Variants in GLCCI1 observed in about 807,000 individuals in gnomAD.
The protein encoded by GLCCI1 is glucocorticoid-induced transcript 1 protein.
GLCCI1 carries 24 observed loss-of-function variants against 52.2 expected under a neutral mutation model. The observed-to-expected ratio is 0.46, with a 90% confidence interval of 0.33 to 0.65. The LOEUF (loss-of-function observed/expected upper bound fraction) is 0.65. Ranked by LOEUF, GLCCI1 falls within the 30% of genes least tolerant of loss-of-function variation. The probability of loss-of-function intolerance (pLI) is 0.02; values close to 1 mark genes in which losing one functional copy is unlikely to be tolerated. For missense variants in GLCCI1, 704 were observed against 701.5 expected, an observed-to-expected ratio of 1.00 and a Z score of -0.04; for synonymous variants, 310 against 276.5, an observed-to-expected ratio of 1.12 and a Z score of -1.20.
At chr7:7,993,745 G>A (rs575160067) in intron 1 of GLCCI1, among the ~76,000 whole-genome samples, 1 of 150,774 alleles carries the variant, frequency 6.6e-6, no homozygotes, top group Non-Finnish European at 1.5e-5. Context: ...TTATTATGTT[G>A]TAGATGCCAA....
intron 5 of GLCCI1, among the ~76,000 whole-genome samples, chr7:8,062,859 C>T (rs1782548060): frequency 1.3e-5 from 2 of 152,150 alleles, no homozygotes; most frequent in Admixed American, 6.5e-5. Context: ...TTTCTTTATC[C>T]AGTCTACCAC....
intron 4 of GLCCI1, among the ~76,000 whole-genome samples, chr7:8,056,088 A>G (rs1782392238): frequency 6.6e-6 from 1 of 151,966 alleles, no homozygotes; most frequent in Non-Finnish European, 1.5e-5. Context: ...ACTTGAGGTC[A>G]GGAGTTCGAA....
chr7:8,005,821 G>A (rs902192674), intron 2 of GLCCI1, among the ~76,000 whole-genome samples: 3 of 151,786 alleles, frequency 2.0e-5, no homozygotes, highest in African/African-American at 7.3e-5. Flanking sequence ...TTTTGAGACA[G>A]GAGTTTCTGT....
chr7:8,003,710 T>G (rs555263403), intron 1 of GLCCI1, among the ~76,000 whole-genome samples, 198 bp from the exon 2 acceptor site: 2 of 152,316 alleles, frequency 1.3e-5, no homozygotes, highest in East Asian at 3.9e-4. Context: ...CCTGGAAATG[T>G]ATGTGAGATT....
At chr7:8,029,480 T>C (rs1417536144) in intron 3 of GLCCI1, among the ~76,000 whole-genome samples, 2 of 152,084 alleles carry the variant, frequency 1.3e-5, no homozygotes, top group Non-Finnish European at 2.9e-5. Flanking sequence ...CCCACAGCTA[T>C]TATTGTGCTG....
chr7:8,077,463 A>C (rs915889638), intron 6 of GLCCI1, among the ~76,000 whole-genome samples: 1 of 152,174 alleles, frequency 6.6e-6, no homozygotes, highest in Non-Finnish European at 1.5e-5. Flanking sequence ...AACTTAGTGA[A>C]ACAGATAGCA....
chr7:7,998,298 C>A (rs1478867798), intron 1 of GLCCI1, among the ~76,000 whole-genome samples: 2 of 151,830 alleles, frequency 1.3e-5, no homozygotes, highest in Admixed American at 6.6e-5. Context: ...CTCACTGAAA[C>A]CTCCGCCTTT....
chr7:8,044,902 A>G (rs564251886), intron 3 of GLCCI1, among the ~76,000 whole-genome samples: 1 of 152,326 alleles, frequency 6.6e-6, no homozygotes, highest in Admixed American at 6.5e-5. Flanking sequence ...CTTGGTGATG[A>G]GTGGATGTTG....
chr7:8,005,082 G>T (rs191689097), intron 2 of GLCCI1, among the ~76,000 whole-genome samples: 1 of 152,226 alleles, frequency 6.6e-6, no homozygotes, highest in Non-Finnish European at 1.5e-5. Context: ...TGAGGAAGAG[G>T]ATAAGTTTAA....
At chr7:7,998,723 C>G (rs181169803) in intron 1 of GLCCI1, among the ~76,000 whole-genome samples, 468 of 152,262 alleles carry the variant, frequency 3.1e-3, no homozygotes, top group African/African-American at 0.01. Flanking sequence ...TTAATAGCTA[C>G]TGACCTTTTG....
rs534643043 is a variant in GLCCI1 at position 8,055,654 on chromosome 7, T to C, written c.813+105T>C. Reference sequence around the variant, plus strand: ...AAAACCCATAAATATTTAGCTCTACTAAATTACTAGTTTGTTAAATTGTTA... The same window carrying C: ...AAAACCCATAAATATTTAGCTCTACCAAATTACTAGTTTGTTAAATTGTTA... On this transcript the variant is annotated intron_variant, in intron 4 of 7. Transcript: ENST00000223145. 5.4e-5 allele frequency: 40 copies of C among 744,030 alleles called. 1 individual carries two copies. The South Asian group carries it at 6.3e-4, about 12-fold the overall frequency. The allele number at this position is 744,030 out of a possible 1,614,324, so 46.1% of individuals were successfully genotyped here.
intron 6 of GLCCI1, among the ~76,000 whole-genome samples, chr7:8,072,322 CTCTGCTTT>C (rs1487320179): frequency 6.6e-6 from 1 of 152,086 alleles, no homozygotes; most frequent in Non-Finnish European, 1.5e-5. Flanking sequence ...GGACTTTGTC[CTCTGCTTT>C]TCTATGTGGG....
chr7:8,055,068 T>G (rs978187312), intron 3 of GLCCI1, among the ~76,000 whole-genome samples: 1 of 152,184 alleles, frequency 6.6e-6, no homozygotes, highest in East Asian at 1.9e-4. Flanking sequence ...TGCATATGTT[T>G]AGAGATCAGG....
chr7:8,006,361 T>C (rs1002775239), intron 2 of GLCCI1, among the ~76,000 whole-genome samples: 6 of 152,106 alleles, frequency 3.9e-5, no homozygotes, highest in African/African-American at 1.4e-4. Context: ...GACCCTACTA[T>C]TTGAGAGTTA....
intron 1 of GLCCI1, among the ~76,000 whole-genome samples, chr7:7,976,667 T>C (rs1780480105): frequency 6.6e-6 from 1 of 151,760 alleles, no homozygotes; most frequent in Non-Finnish European, 1.5e-5. Flanking sequence ...ATCCCAGCAC[T>C]TTGGGAAGCT....
intron 3 of GLCCI1, among the ~76,000 whole-genome samples, chr7:8,043,350 C>T (rs908345227): frequency 4.6e-5 from 7 of 151,122 alleles, no homozygotes; most frequent in Admixed American, 3.9e-4. Context: ...AAAAAGCAGC[C>T]ATAGGCAGTA....
At chr7:8,077,980 A>T (rs563687190) in intron 6 of GLCCI1, among the ~76,000 whole-genome samples, 6 of 151,994 alleles carry the variant, frequency 3.9e-5, no homozygotes. Context: ...CACGCCTGTA[A>T]TCCCAGCACT....
At chr7:8,077,211 A>G (rs1782893326) in intron 6 of GLCCI1, among the ~76,000 whole-genome samples, 1 of 152,196 alleles carries the variant, frequency 6.6e-6, no homozygotes, top group Admixed American at 6.5e-5. Flanking sequence ...TTCAAGGAAA[A>G]GGGAATCTGT....
chr7:7,975,238 G>A (rs560296905), intron 1 of GLCCI1, among the ~76,000 whole-genome samples: 2 of 152,234 alleles, frequency 1.3e-5, no homozygotes, highest in East Asian at 1.9e-4. Context: ...TTTTACTTAC[G>A]AACAAATTGT....
Sources: gnomAD v4.1 joint callset for allele counts (sites outside exome capture counted in the v4.1 genomes callset) on GRCh38, gnomAD v4.1.1 for gene constraint, MANE v1.5 for transcripts, NCBI Gene and HGNC (gene_info 2026-07-23, HGNC 2026-07-21) for gene names.